Variants in CACNA2D4 observed in about 807,000 individuals in gnomAD.
The protein encoded by CACNA2D4 is voltage-dependent calcium channel subunit alpha-2/delta-4.
Under a neutral mutation model 163.8 loss-of-function variants are expected in CACNA2D4, and 157 were observed. The ratio of observed to expected loss-of-function variants is 0.96; its 90% confidence interval spans 0.84 to 1.09. The LOEUF is 1.09. Ranked by LOEUF, CACNA2D4 falls within the 50% of genes least tolerant of loss-of-function variation. The probability of loss-of-function intolerance (pLI) is 0.00; values close to 1 mark genes in which losing one functional copy is unlikely to be tolerated. For missense variants in CACNA2D4, 1,410 were observed against 1,479.9 expected (o/e 0.95, Z 0.78); for synonymous variants, 598 against 586.9 (o/e 1.02, Z -0.27).
In CACNA2D4 at chr12:1,793,192, C is replaced by T. The variant is rs73041888; in HGVS notation, c.*463G>A. 14,950 of 161,114 alleles carry T rather than the reference C, an allele frequency of 0.093. 941 individuals carry two copies. Among genetic ancestry groups the T allele is most frequent in the Middle Eastern group, 0.17 (55 of 332 alleles). 10.0% of individuals were successfully genotyped at this position (161,114 alleles called of 1,614,324 possible). A position where few individuals can be genotyped will look rare whatever the true frequency, so the allele number is the denominator to read the frequency against. On this transcript the variant is annotated 3_prime_UTR_variant, in exon 38 of 38. Transcript: ENST00000382722. ...GGGCATATTCTTGCCTTAGCCTCAT[C>T]TCTGCATTTGGCCTCATTCTGCTGC...
intron 6 of CACNA2D4, among the ~76,000 whole-genome samples, chr12:1,898,736 TA>T (rs201370026): frequency 0.015 from 2,215 of 152,054 alleles, 16 homozygotes; most frequent in Non-Finnish European, 0.023. Flanking sequence ...CAAAATGAAA[TA>T]TTATTCAGCC....
rs182208617 is a variant in CACNA2D4, at chr12:1,820,036, T to A, written c.2552-8313A>T. 1.3e-3 allele frequency among the ~76,000 whole-genome samples: 203 copies of A among 152,258 alleles called. 1 individual carries two copies. The highest frequency in any genetic ancestry group is 3.3e-3 in the South Asian group (16 of 4,828). On this transcript the variant is annotated intron_variant, in intron 26 of 37. Coordinates refer to ENST00000382722, the MANE Select transcript of CACNA2D4 (RefSeq NM_172364.5). This position sits in a 1 kb window ranked among gnomAD's most constrained non-coding sequence, Gnocchi z 6.0. The stretch of plus-strand genomic sequence containing the variant: ...CATGGACATGCCTGTGTACCCTTCT[T>A]TCGTATGACCGAGAGAAGGGTTCGG...
intron 6 of CACNA2D4, among the ~76,000 whole-genome samples, chr12:1,906,367 C>G (rs183248483): frequency 1.1e-4 from 17 of 152,240 alleles, no homozygotes; most frequent in African/African-American, 3.1e-4. Context: ...ACAATATGAA[C>G]AGAGTAAAAA....
chr12:1,797,731 T>A (rs544180643), intron 34 of CACNA2D4, 196 bp from the exon 35 acceptor site: 36 of 593,222 alleles, frequency 6.1e-5, no homozygotes, highest in Non-Finnish European at 9.9e-5. Context: ...CTGGAGAGGG[T>A]GGCTTGGCAC....
intron 26 of CACNA2D4, chr12:1,830,894 G>A (rs770837349): frequency 2.4e-5 from 36 of 1,514,574 alleles, no homozygotes; most frequent in East Asian, 4.6e-5. Context: ...GTGGTGACCC[G>A]TCCTATTGCT....
rs1864511502 is a variant in CACNA2D4 at position 1,829,296 on chromosome 12, T to C, written c.2551+11443A>G. On this transcript the variant is annotated intron_variant, in intron 26 of 37. Coordinates refer to ENST00000382722, the MANE Select transcript of CACNA2D4 (RefSeq NM_172364.5). The surrounding 1 kb of genome is among the most constrained non-coding windows in gnomAD (Gnocchi z 4.2). ...AGGGAGCTGAATGCGTTGGATTTTA[T>C]TTCCTGGGGAAAGTCAAGTCTGAAG... Among the ~76,000 whole-genome samples the C allele has an allele frequency of 6.6e-6, 1 of 152,158 alleles. No homozygotes were observed. The highest frequency in any genetic ancestry group is 2.4e-5 in the African/African-American group (1 of 41,422).
At chr12:1,907,335 G>T in intron 6 of CACNA2D4, 105 bp downstream of exon 6, 3 of 1,074,656 alleles carry the variant, frequency 2.8e-6, no homozygotes, top group Non-Finnish European at 4.1e-6. Flanking sequence ...AGGAGGACCA[G>T]CCCCATTCAC....
At position 1,846,676 on chromosome 12, in the gene CACNA2D4, C is replaced by T. The variant is rs373032354; in HGVS notation, c.2260G>A (p.Val754Met). Reference protein sequence around the residue: ...ALNMSEESEHVVDMAFLGTRA... With the variant: ...ALNMSEESEHMVDMAFLGTRA... ...GTGCCCAGGAAGGCCATGTCCACCA[C>T]GTGTTCAGACTCCCTGTGTGGCAGA... is the stretch of plus-strand genomic sequence containing the variant. Residue 754 changes from valine to methionine, a missense_variant, in exon 24 of 38, where the codon GTG becomes ATG. Val to Met is a conservative substitution (Grantham distance 21). Transcript: ENST00000382722. The T allele has an allele frequency of 4.8e-5, 77 of 1,598,780 alleles. No homozygotes were observed. Among genetic ancestry groups the T allele is most frequent in the South Asian group, 2.1e-4 (19 of 88,434 alleles).
intron 29 of CACNA2D4, among the ~76,000 whole-genome samples, chr12:1,810,065 G>A (rs906704606): frequency 1.3e-5 from 2 of 152,216 alleles, no homozygotes; most frequent in African/African-American, 4.8e-5. Context: ...TATTTTCTCT[G>A]ACTCCCTGAG....
intron 1 of CACNA2D4, 143 bp from the exon 2 acceptor site, chr12:1,915,078 C>A (rs1449126448): frequency 1.1e-5 from 8 of 723,094 alleles, no homozygotes; most frequent in Non-Finnish European, 1.3e-5. Context: ...CTCCAACACA[C>A]AGACACATAA....
chr12:1,813,874 T>A (rs12578700), intron 26 of CACNA2D4, among the ~76,000 whole-genome samples: 1 of 152,070 alleles, frequency 6.6e-6, no homozygotes, highest in South Asian at 2.1e-4. Flanking sequence ...TGAGGTGTGC[T>A]CAGGGCCTAG....
At chr12:1,811,198 G>C (rs972399828) in intron 27 of CACNA2D4, among the ~76,000 whole-genome samples, 1 of 152,226 alleles carries the variant, frequency 6.6e-6, no homozygotes, top group Admixed American at 6.5e-5. Flanking sequence ...GGAGATGAAG[G>C]GGGCAGCTCA....
At chr12:1,795,565 G>A (rs1039423196) in intron 36 of CACNA2D4, 103 bp downstream of exon 36, 10 of 688,340 alleles carry the variant, frequency 1.5e-5, no homozygotes, top group Non-Finnish European at 2.2e-5. Context: ...TGGAGGACAC[G>A]GGCGGTGAAG....
intron 18 of CACNA2D4, among the ~76,000 whole-genome samples, chr12:1,872,243 A>G (rs944179868): frequency 6.6e-6 from 1 of 152,218 alleles, no homozygotes; most frequent in Non-Finnish European, 1.5e-5. Flanking sequence ...CACAGTTCCC[A>G]GAGCCCCCTG....
intron 20 of CACNA2D4, among the ~76,000 whole-genome samples, chr12:1,857,644 T>A (rs1255984312): frequency 1.3e-5 from 2 of 152,120 alleles, no homozygotes; most frequent in Non-Finnish European, 2.9e-5. Context: ...TGTGGTCTCC[T>A]AAGGTGATTG....
chr12:1,897,699 A>C (rs1489309990), intron 6 of CACNA2D4, among the ~76,000 whole-genome samples: 2 of 152,222 alleles, frequency 1.3e-5, no homozygotes, highest in Non-Finnish European at 2.9e-5. Context: ...ATAGAGGAAA[A>C]AGTATATATC....
intron 2 of CACNA2D4, 131 bp downstream of exon 2, chr12:1,914,723 C>T: frequency 3.0e-6 from 2 of 656,290 alleles, no homozygotes. Context: ...CTCCCTGGGC[C>T]TCAGTGGCCC....
chr12:1,823,508 C>A (rs1188550168), intron 26 of CACNA2D4, among the ~76,000 whole-genome samples: 1 of 152,124 alleles, frequency 6.6e-6, no homozygotes, highest in East Asian at 1.9e-4. Context: ...ACAGCCCACT[C>A]AGCTCCGCAT....
chr12:1,856,143 C>T (rs768227471), intron 21 of CACNA2D4, 34 bp from the exon 22 acceptor site: 1 of 1,613,862 alleles, frequency 6.2e-7, no homozygotes, highest in South Asian at 1.1e-5. Flanking sequence ...TATCTCAAAA[C>T]ATTCCACCTG....
Sources: allele counts gnomAD v4.1 joint callset (sites outside exome capture counted in the v4.1 genomes callset), GRCh38; gene constraint gnomAD v4.1.1; non-coding constraint Gnocchi (gnomAD v3.1); transcripts MANE v1.5; gene names NCBI Gene and HGNC (gene_info 2026-07-23, HGNC 2026-07-21).